ELMOD2: variants seen among roughly 807,000 people sequenced by gnomAD.
The protein encoded by ELMOD2 is ELMO domain containing 2.
A neutral mutation model predicts 41.0 loss-of-function variants in ELMOD2; 28 were observed. That is an observed-to-expected ratio of 0.68 (90% CI 0.51 to 0.94). The LOEUF is 0.94. ELMOD2 is among the 40% of genes least tolerant of loss of function. ELMOD2 has a pLI of 0.00. For missense variants in ELMOD2, 333 were observed against 343.1 expected (o/e 0.97, Z 0.23); for synonymous variants, 106 against 107.2 (o/e 0.99, Z 0.07).
intron 8 of ELMOD2, among the ~76,000 whole-genome samples, chr4:140,549,681 CTTTTTTTTTTTTT>C (rs10538089): frequency 1.6e-4 from 7 of 42,932 alleles, no homozygotes; most frequent in Non-Finnish European, 2.6e-4. Flanking sequence ...AGTACTACAT[CTTTTTTTTTTTTT>C]TTTTTTTTTT....
chr4:140,547,911 C>T (rs1248736509), intron 8 of ELMOD2, among the ~76,000 whole-genome samples: 9 of 152,106 alleles, frequency 5.9e-5, no homozygotes, highest in African/African-American at 2.2e-4. Context: ...TCACTTTTTG[C>T]AAAACTTTGG....
chr4:140,541,527 A>G (rs1735104680), intron 6 of ELMOD2, among the ~76,000 whole-genome samples: 1 of 152,158 alleles, frequency 6.6e-6, no homozygotes, highest in Admixed American at 6.5e-5. Context: ...TTTAGAGTCA[A>G]TCTAGGGATA....
intron 4 of ELMOD2, among the ~76,000 whole-genome samples, chr4:140,536,130 A>G (rs139461005): frequency 2.3e-3 from 355 of 152,272 alleles, no homozygotes; most frequent in African/African-American, 8.3e-3. Context: ...CTTTTGAAAT[A>G]CAGTTCCTGT....
In ELMOD2 at chr4:140,527,216, A is replaced by G. The variant is rs1323500772; in HGVS notation, c.143-250A>G. Among the ~76,000 whole-genome samples, 3 of 152,294 alleles carry G rather than the reference A, an allele frequency of 2.0e-5. No individual in the cohort carries two copies. The East Asian group carries it at 5.8e-4, about 29-fold the overall frequency. ...TAGACACTTTGGGGTCTAAACAGAA[A>G]CATATGACCCCAGGTAATGAGGTTG... On this transcript the variant is annotated intron_variant, in intron 2 of 8. Transcript: ENST00000323570.
intron 8 of ELMOD2, 33 bp downstream of exon 8, chr4:140,543,619 T>C (rs768808970): frequency 6.6e-7 from 1 of 1,507,454 alleles, no homozygotes; most frequent in Non-Finnish European, 8.9e-7. Context: ...ACTAGATCTT[T>C]CTAAGATAAT....
At chr4:140,533,449 AT>A (rs1183685857) in intron 3 of ELMOD2, among the ~76,000 whole-genome samples, 1 of 152,196 alleles carries the variant, frequency 6.6e-6, no homozygotes, top group Non-Finnish European at 1.5e-5. Flanking sequence ...ACAACTGGGT[AT>A]GTATGGGGGA....
Position 140,550,712 on chromosome 4 carries a change from T to G in ELMOD2, c.*337T>G, listed in dbSNP as rs964409366. On this transcript the variant is annotated 3_prime_UTR_variant, in exon 9 of 9. Coordinates refer to ENST00000323570, the MANE Select transcript of ELMOD2 (RefSeq NM_153702.4). ...TGTAAAATCAATTTTCGTTTTTATG[T>G]GTTATAGGGTCAAGTTGGTATCTTT... The G allele has an allele frequency of 1.9e-5, 3 of 155,594 alleles. No individual in the cohort carries two copies. The highest frequency in any genetic ancestry group is 4.3e-5 in the Non-Finnish European group (3 of 70,202). 9.6% of individuals were successfully genotyped at this position (155,594 alleles called of 1,614,324 possible).
intron 3 of ELMOD2, among the ~76,000 whole-genome samples, chr4:140,529,789 A>G (rs572275759): frequency 1.3e-5 from 2 of 152,338 alleles, no homozygotes; most frequent in Admixed American, 6.5e-5. Context: ...GAGATTTTCC[A>G]TGACCATTCT....
chr4:140,543,436 T>C lies in ELMOD2; in HGVS notation c.603-17T>C. ...TTATTTGGCTAGCTGGTATAACTGG[T>C]AATGTTTCTGACATAGGTATTCTTA... On this transcript the variant is annotated splice_polypyrimidine_tract_variant and intron_variant, in intron 7 of 8. Coordinates refer to ENST00000323570, the MANE Select transcript of ELMOD2 (RefSeq NM_153702.4). 3 of 1,583,540 alleles carry C rather than the reference T, an allele frequency of 1.9e-6. No individual in the cohort carries two copies. The highest frequency in any genetic ancestry group is 2.6e-6 in the Non-Finnish European group (3 of 1,172,076).
chr4:140,542,755 A>T, intron 7 of ELMOD2, 113 bp downstream of exon 7: 1 of 817,780 alleles, frequency 1.2e-6, no homozygotes, highest in Non-Finnish European at 1.8e-6. Flanking sequence ...TTTTAATAAG[A>T]ACTTTTTAAA....
chr4:140,540,785 T>C (rs1298797362), intron 6 of ELMOD2, among the ~76,000 whole-genome samples: 1 of 151,932 alleles, frequency 6.6e-6, no homozygotes, highest in Non-Finnish European at 1.5e-5. Context: ...TATAATTGTG[T>C]ATGTGATTTC....
rs1240190033 is a variant in ELMOD2 at position 140,552,338 on chromosome 4, G to C, written c.*1963G>C. On this transcript the variant is annotated 3_prime_UTR_variant, in exon 9 of 9. Transcript: ENST00000323570. ...GATGTTAAGAAAATGTCATTATAGA[G>C]CTTGCTCAATAATATGTTCTTTAAA... The C allele has an allele frequency of 6.6e-6, 1 of 152,000 alleles. No individual in the cohort carries two copies. Among genetic ancestry groups the C allele is most frequent in the Non-Finnish European group, 1.5e-5 (1 of 67,922 alleles). The allele number at this position is 152,000 out of a possible 1,614,324, so 9.4% of individuals were successfully genotyped here.
At chr4:140,548,427 A>G (rs1735360929) in intron 8 of ELMOD2, among the ~76,000 whole-genome samples, 1 of 152,166 alleles carries the variant, frequency 6.6e-6, no homozygotes, top group African/African-American at 2.4e-5. Context: ...CTGTTTTATC[A>G]TATATTGAGA....
At chr4:140,534,565 T>C (rs1734853880) in intron 3 of ELMOD2, among the ~76,000 whole-genome samples, 1 of 152,152 alleles carries the variant, frequency 6.6e-6, no homozygotes, top group African/African-American at 2.4e-5. Flanking sequence ...AGTAATGGAA[T>C]AGTATATACA....
chr4:140,535,137 TTCTC>T (rs10526729), intron 3 of ELMOD2, among the ~76,000 whole-genome samples: 4,155 of 141,430 alleles, frequency 0.029, 112 homozygotes, highest in African/African-American at 0.065. Context: ...ATCTGTTTCT[TTCTC>T]TCTCTCTCTC....
In ELMOD2 at chr4:140,549,076, C is replaced by T. The variant is rs1735384557; in HGVS notation, c.737-1154C>T. On this transcript the variant is annotated intron_variant, in intron 8 of 8. Transcript: ENST00000323570. ...GCTCCTCCCCCCACCATCCTAGGAACCACAATTTTTTTGTCACTATAGATG... is the reference window on the plus strand; with the variant it reads ...GCTCCTCCCCCCACCATCCTAGGAATCACAATTTTTTTGTCACTATAGATG... 1.3e-5 allele frequency among the ~76,000 whole-genome samples: 2 copies of T among 151,966 alleles called. 1 individual carries two copies.
intron 5 of ELMOD2, among the ~76,000 whole-genome samples, chr4:140,538,880 T>C (rs1249766487): frequency 6.6e-6 from 1 of 152,214 alleles, no homozygotes; most frequent in Non-Finnish European, 1.5e-5. Context: ...AACCCAGAAA[T>C]TCAATATTCA....
At chr4:140,525,285 C>A in intron 1 of ELMOD2, 135 bp from the exon 2 acceptor site, 1 of 926,746 alleles carries the variant, frequency 1.1e-6, no homozygotes, top group Non-Finnish European at 1.6e-6. Context: ...TTTTAAATGC[C>A]TAATTAAACT....
intron 1 of ELMOD2, chr4:140,524,884 G>GTT: frequency 6.5e-6 from 1 of 154,002 alleles, no homozygotes; most frequent in African/African-American, 2.4e-5. Context: ...GAGCTAAGGT[G>GTT]TTATATACTC....
Sources: gnomAD v4.1 joint callset for allele counts (sites outside exome capture counted in the v4.1 genomes callset) on GRCh38, gnomAD v4.1.1 for gene constraint, MANE v1.5 for transcripts, NCBI Gene and HGNC (gene_info 2026-07-23, HGNC 2026-07-21) for gene names.